Variants in HIBADH observed in about 807,000 individuals in gnomAD.
HIBADH encodes the protein 3-hydroxyisobutyrate dehydrogenase.
HIBADH carries 25 observed loss-of-function variants against 36.1 expected under a neutral mutation model. The ratio of observed to expected loss-of-function variants is 0.69; its 90% CI spans 0.50 to 0.97. The LOEUF is 0.97. Ranked by LOEUF, HIBADH falls within the 50% of genes least tolerant of loss-of-function variation. HIBADH has a pLI of 0.00. For missense variants in HIBADH, 421 were observed against 418.0 expected, an observed-to-expected ratio of 1.01 and a Z score of -0.06; for synonymous variants, 160 against 149.5, an observed-to-expected ratio of 1.07 and a Z score of -0.51.
chr7:27,603,871 G>A (rs1004546460), intron 4 of HIBADH, among the ~76,000 whole-genome samples: 2 of 152,070 alleles, frequency 1.3e-5, no homozygotes, highest in African/African-American at 4.8e-5. Context: ...CTATCTAAAA[G>A]AATCCAAAAG....
intron 2 of HIBADH, among the ~76,000 whole-genome samples, chr7:27,640,123 T>C (rs1410434027): frequency 1.3e-5 from 2 of 152,254 alleles, no homozygotes; most frequent in African/African-American, 2.4e-5. Flanking sequence ...TCCCTTATTA[T>C]TGTCATATTC....
intron 2 of HIBADH, among the ~76,000 whole-genome samples, chr7:27,638,308 C>CAAAAAAAAAA (rs368715218): frequency 0.028 from 1,551 of 55,220 alleles, 81 homozygotes; most frequent in Middle Eastern, 0.054. Context: ...TTGGCAAAGT[C>CAAAAAAAAAA]AAAAAAAAAA....
intron 1 of HIBADH, among the ~76,000 whole-genome samples, chr7:27,650,386 G>A (rs1209963566): frequency 6.6e-6 from 1 of 151,566 alleles, no homozygotes. Context: ...GGCTTTAAAT[G>A]GCAAGTGTAA....
intron 4 of HIBADH, among the ~76,000 whole-genome samples, chr7:27,560,037 C>T (rs1784443137): frequency 6.6e-6 from 1 of 152,180 alleles, no homozygotes. Flanking sequence ...TTTTGTTCCA[C>T]TATAAGACAT....
chr7:27,554,139 C>T (rs1183890203), intron 4 of HIBADH, among the ~76,000 whole-genome samples: 6 of 152,200 alleles, frequency 3.9e-5, no homozygotes, highest in Non-Finnish European at 5.9e-5. Flanking sequence ...GCGCCCACTA[C>T]CACAGCTGGC....
At chr7:27,645,367 G>GTTGGTTT (rs1375743758) in intron 2 of HIBADH, among the ~76,000 whole-genome samples, 1 of 32,074 alleles carries the variant, frequency 3.1e-5, no homozygotes, top group African/African-American at 1.8e-4. Context: ...TCATGGTTTT[G>GTTGGTTT]ATTTTTTTTT....
chr7:27,610,188 T>C (rs1023443106), intron 4 of HIBADH, among the ~76,000 whole-genome samples: 2 of 152,136 alleles, frequency 1.3e-5, no homozygotes, highest in African/African-American at 4.8e-5. Flanking sequence ...GATGAATTAT[T>C]TTACCAAAAT....
At chr7:27,615,233 C>A (rs1245066520) in intron 4 of HIBADH, among the ~76,000 whole-genome samples, 1 of 151,958 alleles carries the variant, frequency 6.6e-6, no homozygotes, top group Non-Finnish European at 1.5e-5. Flanking sequence ...CAGGAGGCCA[C>A]CAAGGAACGA....
chr7:27,640,020 C>T (rs923410295), intron 2 of HIBADH, among the ~76,000 whole-genome samples: 1 of 152,118 alleles, frequency 6.6e-6, no homozygotes, highest in African/African-American at 2.4e-5. Context: ...ATTTATCAGG[C>T]CCAGAGAGAC....
rs143483177 is a variant in HIBADH, at chr7:27,620,108, C to T, written c.484+9263G>A. 7.5e-3 allele frequency among the ~76,000 whole-genome samples: 1,144 copies of T among 152,162 alleles called. 8 individuals are homozygous for T. The highest frequency in any genetic ancestry group is 0.014 in the Admixed American group (213 of 15,282). ...AGCCAAGGTGGAGGAGCGCTTGAGCCCAGGAGTTTGAGATCAGCCTGGGCA... is the reference window on the plus strand; with the variant it reads ...AGCCAAGGTGGAGGAGCGCTTGAGCTCAGGAGTTTGAGATCAGCCTGGGCA... On this transcript the variant is annotated intron_variant, in intron 4 of 7. Coordinates refer to ENST00000265395, the MANE Select transcript of HIBADH (RefSeq NM_152740.4).
chr7:27,550,650 C>A (rs1300688997), intron 4 of HIBADH, among the ~76,000 whole-genome samples: 1 of 152,118 alleles, frequency 6.6e-6, no homozygotes, highest in Non-Finnish European at 1.5e-5. Context: ...ATTTCATGAC[C>A]CCCCTTTCTC....
chr7:27,576,694 C>A (rs1430697688), intron 4 of HIBADH, among the ~76,000 whole-genome samples: 2 of 152,176 alleles, frequency 1.3e-5, no homozygotes, highest in Non-Finnish European at 2.9e-5. Flanking sequence ...CTATACTTAG[C>A]TCCTTAAAGT....
chr7:27,571,655 T>G (rs987949938), intron 4 of HIBADH, among the ~76,000 whole-genome samples: 2 of 152,194 alleles, frequency 1.3e-5, no homozygotes, highest in Non-Finnish European at 2.9e-5. Flanking sequence ...TCTCCCTTTG[T>G]GTCTGGTAAT....
chr7:27,619,395 A>T (rs1418022561), intron 4 of HIBADH, among the ~76,000 whole-genome samples: 1 of 152,252 alleles, frequency 6.6e-6, no homozygotes, highest in Non-Finnish European at 1.5e-5. Flanking sequence ...AGGACACAGG[A>T]AACATGAAAA....
intron 2 of HIBADH, chr7:27,647,758 C>T (rs1310356434): frequency 2.7e-6 from 1 of 374,808 alleles, no homozygotes; most frequent in Non-Finnish European, 5.6e-6. Context: ...GTAATTCAGG[C>T]AGAGCATCAG....
chr7:27,645,583 T>A (rs568999594), intron 2 of HIBADH, among the ~76,000 whole-genome samples: 5 of 152,064 alleles, frequency 3.3e-5, no homozygotes, highest in African/African-American at 1.2e-4. Flanking sequence ...GGTTTCACCA[T>A]GTTGGCCAGG....
In HIBADH at chr7:27,538,366, C is replaced by T. The variant is rs771124957; in HGVS notation, c.670G>A (p.Ala224Thr). The change falls in exon 6 of 8, where the codon GCT becomes ACT. Residue 224 changes from alanine (A) to threonine (T), a missense_variant. By Grantham distance (58) the Ala-to-Thr change is moderately conservative. Coordinates refer to ENST00000265395, the MANE Select transcript of HIBADH (RefSeq NM_152740.4). ...CTGATTCCAAGATTCATAGCTTCAG[C>T]AGTTCCAATCATACTAATAGCTAAC... is the stretch of plus-strand genomic sequence containing the variant. The part of the protein sequence containing the change: ...MLLAISMIGT[A>T]EAMNLGIRLG... 13 of 1,612,828 alleles carry T rather than the reference C, an allele frequency of 8.1e-6. No homozygotes were observed. The South Asian group carries it at 9.9e-5, about 12-fold the overall frequency.
chr7:27,604,123 C>T (rs930863294), intron 4 of HIBADH, among the ~76,000 whole-genome samples: 11 of 152,022 alleles, frequency 7.2e-5, no homozygotes, highest in African/African-American at 1.2e-4. Context: ...TGAGAGAATC[C>T]AAAATCTAAA....
intron 4 of HIBADH, among the ~76,000 whole-genome samples, chr7:27,557,243 A>G (rs542842942): frequency 4.6e-5 from 7 of 151,686 alleles, no homozygotes; most frequent in Admixed American, 2.0e-4. Context: ...TACAATTTAT[A>G]TATTATCTCA....
Sources: gnomAD v4.1 joint callset for allele counts (sites outside exome capture counted in the v4.1 genomes callset) on GRCh38, gnomAD v4.1.1 for gene constraint, MANE v1.5 for transcripts, NCBI Gene and HGNC (gene_info 2026-07-23, HGNC 2026-07-21) for gene names.